The following STPG2 variants were observed in gnomAD, a reference collection of about 807,000 sequenced individuals.
STPG2 encodes sperm tail PG-rich repeat containing 2.
A neutral mutation model predicts 54.2 loss-of-function variants in STPG2; 56 were observed. The observed-to-expected ratio is 1.03, with a 90% CI of 0.83 to 1.29. The LOEUF (loss-of-function observed/expected upper bound fraction) is 1.29, where lower values mean the gene tolerates loss of function less well. STPG2 is among the 50% of genes most tolerant of loss of function. The probability of loss-of-function intolerance (pLI) is 0.00; values close to 1 mark genes in which losing one functional copy is unlikely to be tolerated. For synonymous variants in STPG2, 200 were observed against 181.8 expected (o/e 1.10, Z -0.81); for missense variants, 596 against 544.9 (o/e 1.09, Z -0.93).
intron 10 of STPG2, among the ~76,000 whole-genome samples, chr4:97,686,250 TTCTCTC>T (rs70953081): frequency 6.7e-6 from 1 of 148,412 alleles, no homozygotes; most frequent in Non-Finnish European, 1.5e-5. Context: ...CTTTTCCTCT[TTCTCTC>T]TCTCTCTCTC....
rs1302971315 is a variant in STPG2 at position 97,727,327 on chromosome 4, T to C, written c.1205-14513A>G. On this transcript the variant is annotated intron_variant, in intron 9 of 10. Transcript: ENST00000295268. ...AAAACCATCTAGAAATTAAAATAAA[T>C]CACCTTTTTTATGAGTATGATTATC... 2.6e-5 allele frequency among the ~76,000 whole-genome samples: 4 copies of C among 151,902 alleles called. No homozygotes were observed. In the South Asian group the frequency reaches 8.3e-4, roughly 31 times the overall value.
At chr4:97,796,045 T>C (rs1263092137) in intron 9 of STPG2, among the ~76,000 whole-genome samples, 2 of 152,052 alleles carry the variant, frequency 1.3e-5, no homozygotes, top group Non-Finnish European at 2.9e-5. Context: ...TTAGATGGGG[T>C]TGTTTGTTTT....
chr4:97,748,754 C>T (rs192981105), intron 9 of STPG2, among the ~76,000 whole-genome samples: 39 of 151,602 alleles, frequency 2.6e-4, no homozygotes, highest in Middle Eastern at 3.4e-3. Context: ...GAATTTCATA[C>T]AATTTGACAC....
At chr4:98,079,155 C>T (rs991463829) in intron 5 of STPG2, among the ~76,000 whole-genome samples, 3 of 152,134 alleles carry the variant, frequency 2.0e-5, no homozygotes, top group Non-Finnish European at 4.4e-5. Context: ...CAAAATAATA[C>T]TTTTGCATAA....
chr4:97,868,456 C>T lies in STPG2; in HGVS notation c.1045-27524G>A, dbSNP rs150724926. Among the ~76,000 whole-genome samples the T allele has an allele frequency of 2.9e-3, 439 of 151,782 alleles. 3 individuals carry two copies. Among genetic ancestry groups the T allele is most frequent in the African/African-American group, 9.9e-3 (412 of 41,452 alleles). On this transcript the variant is annotated intron_variant, in intron 8 of 10. Coordinates refer to ENST00000295268, the MANE Select transcript of STPG2 (RefSeq NM_174952.3). The stretch of plus-strand genomic sequence containing the variant: ...ATATTAATTTCTTAGCATACGGATT[C>T]CCAGACATTAGAGGTAGCATAAGTT...
chr4:97,566,367 C>T (rs2148879671), intron 10 of STPG2, among the ~76,000 whole-genome samples: 1 of 152,302 alleles, frequency 6.6e-6, no homozygotes, highest in South Asian at 2.1e-4. Context: ...GGAAAGGGAA[C>T]TCCCTGTCCC....
At chr4:97,722,475 A>C (rs1724479405) in intron 9 of STPG2, among the ~76,000 whole-genome samples, 1 of 152,180 alleles carries the variant, frequency 6.6e-6, no homozygotes, top group Non-Finnish European at 1.5e-5. Flanking sequence ...TTTGTCACAT[A>C]ATTGCCACAC....
intron 7 of STPG2, among the ~76,000 whole-genome samples, chr4:97,951,490 GT>G (rs898437868): frequency 2.5e-4 from 38 of 151,122 alleles, no homozygotes; most frequent in South Asian, 4.2e-4. Flanking sequence ...ATTTGACTGT[GT>G]TTTTTTTTAT....
chr4:97,738,939 C>T (rs970908028), intron 9 of STPG2, among the ~76,000 whole-genome samples: 2 of 152,108 alleles, frequency 1.3e-5, no homozygotes, highest in African/African-American at 4.8e-5. Flanking sequence ...CACACCTATT[C>T]CAAAATTGAC....
chr4:97,551,800 G>T (rs532747076), intron 4 of STPG2, among the ~76,000 whole-genome samples: 1 of 152,088 alleles, frequency 6.6e-6, no homozygotes, highest in Non-Finnish European at 1.5e-5. Context: ...TTTGACAATT[G>T]TTAAGTATAC....
chr4:97,892,584 A>G (rs1277606172), intron 8 of STPG2, among the ~76,000 whole-genome samples: 2 of 152,186 alleles, frequency 1.3e-5, no homozygotes, highest in Admixed American at 1.3e-4. Context: ...TCCCACATGC[A>G]CAGCTAAGCT....
intron 10 of STPG2, among the ~76,000 whole-genome samples, chr4:97,706,150 A>G (rs1383138664): frequency 6.6e-6 from 1 of 152,144 alleles, no homozygotes; most frequent in Non-Finnish European, 1.5e-5. Flanking sequence ...TTTTTCTAAC[A>G]TATATAATAT....
At chr4:98,101,862 T>C (rs1240877265) in intron 5 of STPG2, among the ~76,000 whole-genome samples, 1 of 136,008 alleles carries the variant, frequency 7.4e-6, no homozygotes, top group African/African-American at 2.8e-5. Flanking sequence ...GATTTCATTA[T>C]CTTCCCCCTC....
At chr4:97,987,336 A>G (rs1382219153) in intron 5 of STPG2, among the ~76,000 whole-genome samples, 1 of 152,244 alleles carries the variant, frequency 6.6e-6, no homozygotes, top group East Asian at 1.9e-4. Context: ...ATTTAAAAGT[A>G]TACAGCTAGC....
rs1730528878 is a variant in STPG2, at chr4:97,885,488, T to C, written c.1045-44556A>G. Among the ~76,000 whole-genome samples the C allele has an allele frequency of 1.3e-5, 2 of 152,196 alleles. 1 individual carries two copies. The highest frequency in any genetic ancestry group is 4.8e-5 in the African/African-American group (2 of 41,464). On this transcript the variant is annotated intron_variant, in intron 8 of 10. Coordinates refer to ENST00000295268, the MANE Select transcript of STPG2 (RefSeq NM_174952.3). ...TATTTTCCAACCTAGTAGAAAATAT[T>C]GGTGATATTCAATTGACCACATTAA...
At chr4:97,539,790 G>C (rs1028405850) in intron 4 of STPG2, among the ~76,000 whole-genome samples, 2 of 151,374 alleles carry the variant, frequency 1.3e-5, no homozygotes, top group Non-Finnish European at 3.0e-5. Context: ...TCAGACCAAA[G>C]TGCAATCAAA....
chr4:97,684,933 A>G (rs1387641932), intron 10 of STPG2, among the ~76,000 whole-genome samples: 1 of 152,004 alleles, frequency 6.6e-6, no homozygotes, highest in Non-Finnish European at 1.5e-5. Flanking sequence ...CACCTCACTA[A>G]AGAAGATATA....
chr4:97,505,425 A>C (rs1730822585), intron 4 of STPG2, among the ~76,000 whole-genome samples: 1 of 151,952 alleles, frequency 6.6e-6, no homozygotes, highest in Admixed American at 6.6e-5. Context: ...ATTTCTGGGG[A>C]TATTGATTAT....
chr4:97,991,414 C>A (rs944157898), intron 5 of STPG2, among the ~76,000 whole-genome samples: 1 of 146,458 alleles, frequency 6.8e-6, no homozygotes, highest in African/African-American at 2.6e-5. Context: ...TATATATACA[C>A]CATGGAATAC....
Sources: allele counts gnomAD v4.1 joint callset (sites outside exome capture counted in the v4.1 genomes callset), GRCh38; gene constraint gnomAD v4.1.1; transcripts MANE v1.5; gene names NCBI Gene and HGNC (gene_info 2026-07-23, HGNC 2026-07-21).